Variants in PHF20 observed in about 807,000 individuals in gnomAD.
The protein encoded by PHF20 is PHD finger protein 20, also known as glioma-expressed antigen 2.
Under a neutral mutation model 113.5 loss-of-function variants are expected in PHF20, and 23 were observed. The ratio of observed to expected loss-of-function variants is 0.20; its 90% CI spans 0.15 to 0.29. The LOEUF is 0.29. Ranked by LOEUF, PHF20 falls within the 10% of genes least tolerant of loss-of-function variation. The pLI, the probability that PHF20 is intolerant of heterozygous loss-of-function variation, is 1.00. For missense variants in PHF20, 943 were observed against 1,219.6 expected (o/e 0.77, Z 3.38); for synonymous variants, 434 against 457.3 (o/e 0.95, Z 0.65).
At chr20:35,812,675 C>CAT in intron 2 of PHF20, among the ~76,000 whole-genome samples, 1 of 152,226 alleles carries the variant, frequency 6.6e-6, no homozygotes, top group Admixed American at 6.5e-5. Context: ...TCGGGGGACA[C>CAT]ATAAAGCTAG....
chr20:35,855,261 G>A, intron 4 of PHF20: 1 of 1,337,122 alleles, frequency 7.5e-7, no homozygotes, highest in Non-Finnish European at 9.9e-7. Context: ...GACAATATAG[G>A]CAGGTAAAAA....
intron 10 of PHF20, among the ~76,000 whole-genome samples, chr20:35,905,507 C>A (rs886565007): frequency 6.6e-6 from 1 of 152,136 alleles, no homozygotes; most frequent in Non-Finnish European, 1.5e-5. Context: ...CCTATCCCCC[C>A]ATGTGAGGAT....
At chr20:35,795,154 T>C (rs1437819083) in intron 1 of PHF20, among the ~76,000 whole-genome samples, 2 of 150,648 alleles carry the variant, frequency 1.3e-5, no homozygotes, top group East Asian at 3.9e-4. Flanking sequence ...ATTGCACCAT[T>C]GCACTGTAGC....
chr20:35,920,685 T>C (rs556367314), intron 13 of PHF20, among the ~76,000 whole-genome samples: 84 of 152,262 alleles, frequency 5.5e-4, no homozygotes, highest in African/African-American at 1.8e-3. Flanking sequence ...AATAGTACCA[T>C]CTAGCCTGGC....
At chr20:35,883,694 G>A (rs1451493811) in intron 9 of PHF20, among the ~76,000 whole-genome samples, 5 of 152,142 alleles carry the variant, frequency 3.3e-5, no homozygotes, top group Admixed American at 3.3e-4. Context: ...CACTTGCCTC[G>A]GCTTCCCAAA....
intron 2 of PHF20, among the ~76,000 whole-genome samples, chr20:35,805,029 G>A (rs1367463734): frequency 2.0e-5 from 3 of 151,464 alleles, no homozygotes; most frequent in South Asian, 2.1e-4. Context: ...AGCCTCCTGA[G>A]TATGTGGGAT....
intron 15 of PHF20, among the ~76,000 whole-genome samples, chr20:35,935,432 T>G (rs1390492287): frequency 6.6e-6 from 1 of 152,232 alleles, no homozygotes; most frequent in East Asian, 1.9e-4. Flanking sequence ...AGTGGTATGA[T>G]CGCGGCTCAC....
Position 35,781,869 on chromosome 20 carries a change from C to T in PHF20, c.-33+9790C>T, listed in dbSNP as rs564478185. On this transcript the variant is annotated intron_variant, in intron 1 of 17. Transcript: ENST00000374012. ...CTGAAGCAGGAGAACTGTTTGAACG[C>T]GGGGGCGGGTGGAGGTTGCACTGAG... Among the ~76,000 whole-genome samples the T allele has an allele frequency of 4.6e-5, 7 of 151,972 alleles. No individual in the cohort carries two copies. The East Asian group carries it at 9.7e-4, about 21-fold the overall frequency.
At chr20:35,879,965 G>T (rs2054598304) in intron 9 of PHF20, among the ~76,000 whole-genome samples, 1 of 152,144 alleles carries the variant, frequency 6.6e-6, no homozygotes, top group Non-Finnish European at 1.5e-5. Context: ...GTGCTCCAGA[G>T]CTGTGACAGA....
chr20:35,941,241 A>G (rs1445256257), intron 17 of PHF20, among the ~76,000 whole-genome samples, 194 bp downstream of exon 17: 1 of 152,160 alleles, frequency 6.6e-6, no homozygotes, highest in East Asian at 1.9e-4. Flanking sequence ...CAGGTGCAAG[A>G]TCTGCATGAT....
chr20:35,848,817 A>G (rs2042667882), intron 4 of PHF20, among the ~76,000 whole-genome samples: 1 of 149,708 alleles, frequency 6.7e-6, no homozygotes, highest in Non-Finnish European at 1.5e-5. Flanking sequence ...TGATAGTGTC[A>G]TTGTACTCCA....
Position 35,877,548 on chromosome 20 carries a change from C to G in PHF20, c.1282+5719C>G, listed in dbSNP as rs190322419. Among the ~76,000 whole-genome samples, 4 of 150,950 alleles carry G rather than the reference C, an allele frequency of 2.6e-5. No individual in the cohort carries two copies. The East Asian group carries it at 7.9e-4, about 30-fold the overall frequency. ...CACTGCAACCTCCGCCTCCCAGGTT[C>G]AAGTGATTCTCCTGTCTCAGCCTCC... On this transcript the variant is annotated intron_variant, in intron 9 of 17. Coordinates refer to ENST00000374012, the MANE Select transcript of PHF20 (RefSeq NM_016436.5).
rs1431843142 is a variant in PHF20 at position 35,871,029 on chromosome 20, A to G, written c.997A>G (p.Thr333Ala). 14 of 1,612,406 alleles carry G rather than the reference A, an allele frequency of 8.7e-6. No individual in the cohort carries two copies. Among genetic ancestry groups the G allele is most frequent in the Non-Finnish European group, 1.0e-5 (12 of 1,179,608 alleles). ...GAGGAGACGTTCCTCCAGGCTGTCCACTAATGGGACCCATGAGATCCTAGA... is the reference window on the plus strand; with the variant it reads ...GAGGAGACGTTCCTCCAGGCTGTCCGCTAATGGGACCCATGAGATCCTAGA... ...LSRRRSSRLS[T>A]NGTHEILDPD... The change falls in exon 8 of 18, where the codon ACT (threonine) becomes GCT (alanine). Residue 333 changes from threonine (T) to alanine (A), a missense_variant. Physicochemically the swap from Thr to Ala is moderately conservative, Grantham distance 58. Coordinates refer to ENST00000374012, the MANE Select transcript of PHF20 (RefSeq NM_016436.5).
chr20:35,797,556 C>T (rs2041691177), intron 1 of PHF20, among the ~76,000 whole-genome samples: 1 of 149,760 alleles, frequency 6.7e-6, no homozygotes, highest in Non-Finnish European at 1.5e-5. Flanking sequence ...CATAAAGAAG[C>T]AACCCCACCA....
At chr20:35,881,383 C>T (rs1269570575) in intron 9 of PHF20, among the ~76,000 whole-genome samples, 4 of 151,402 alleles carry the variant, frequency 2.6e-5, no homozygotes, top group African/African-American at 9.7e-5. Flanking sequence ...TAGAAAATCC[C>T]ATATTTAATT....
intron 1 of PHF20, among the ~76,000 whole-genome samples, chr20:35,788,259 G>C (rs1283849487): frequency 1.3e-5 from 2 of 151,628 alleles, no homozygotes; most frequent in Non-Finnish European, 2.9e-5. Context: ...ACCACGCCCG[G>C]CTAATTTTTT....
At chr20:35,850,807 A>T (rs1266378422) in intron 4 of PHF20, 3 of 952,012 alleles carry the variant, frequency 3.2e-6, no homozygotes, top group Non-Finnish European at 4.9e-6. Flanking sequence ...GTATTACCAT[A>T]TTTGTTATGA....
intron 1 of PHF20, among the ~76,000 whole-genome samples, chr20:35,780,817 G>A (rs1465517899): frequency 6.7e-6 from 1 of 150,308 alleles, no homozygotes; most frequent in Non-Finnish European, 1.5e-5. Flanking sequence ...CAAAGTGCTG[G>A]GATTACAGAC....
intron 1 of PHF20, among the ~76,000 whole-genome samples, chr20:35,795,616 G>A (rs969649715): frequency 6.6e-6 from 1 of 151,884 alleles, no homozygotes; most frequent in African/African-American, 2.4e-5. Flanking sequence ...CCCACGATAG[G>A]GGCCATTATC....
Sources: gnomAD v4.1 joint callset for allele counts (sites outside exome capture counted in the v4.1 genomes callset) on GRCh38, gnomAD v4.1.1 for gene constraint, MANE v1.5 for transcripts, NCBI Gene and HGNC (gene_info 2026-07-23, HGNC 2026-07-21) for gene names.